Variants in CEP70 observed in about 807,000 individuals in gnomAD.
The protein encoded by CEP70 is centrosomal protein 70.
CEP70 carries 70 observed loss-of-function variants against 90.9 expected under a neutral mutation model. The ratio of observed to expected loss-of-function variants is 0.77; its 90% confidence interval spans 0.64 to 0.94. The LOEUF (loss-of-function observed/expected upper bound fraction) is 0.94. CEP70 is among the 40% of genes least tolerant of loss of function. The pLI is 0.00. For missense variants in CEP70, 648 were observed against 669.0 expected (o/e 0.97, Z 0.35); for synonymous variants, 220 against 228.3 (o/e 0.96, Z 0.33).
In CEP70 at chr3:138,579,844, G is replaced by A. The variant is rs188895910; in HGVS notation, c.-5-6912C>T. ...TTCTGCTTGAGAAAAGTAGACGGAA[G>A]AGTAAAGAAGACTTTCTTGAGCTTA... On this transcript the variant is annotated intron_variant, in intron 2 of 17. Transcript: ENST00000264982. Among the ~76,000 whole-genome samples the A allele has an allele frequency of 1.4e-3, 210 of 152,080 alleles. 1 individual carries two copies. Among genetic ancestry groups the A allele is most frequent in the Non-Finnish European group, 1.2e-4 (8 of 68,014 alleles).
intron 13 of CEP70, 151 bp from the exon 14 acceptor site, chr3:138,501,032 T>C (rs561226496): frequency 2.3e-4 from 71 of 302,754 alleles, no homozygotes; most frequent in African/African-American, 1.5e-3. Context: ...AAAATATATA[T>C]GTAACCATCA....
At position 138,495,864 on chromosome 3, in the gene CEP70, A is replaced by G. The variant is rs573040030; in HGVS notation, c.1733-788T>C. 47 of 984,948 alleles carry G rather than the reference A, an allele frequency of 4.8e-5. No individual in the cohort carries two copies. The African/African-American group carries it at 7.9e-4, about 16-fold the overall frequency. The allele number at this position is 984,948 out of a possible 1,614,324, so 61.0% of individuals were successfully genotyped here. ...GCAAGACTATGTCTCAAAAAAAACA[A>G]TTATCTGCCTAATCAAAAAGATAGC... On this transcript the variant is annotated intron_variant, in intron 17 of 17. Coordinates refer to ENST00000264982, the MANE Select transcript of CEP70 (RefSeq NM_024491.4).
At chr3:138,501,318 A>AT (rs1157262067) in intron 13 of CEP70, among the ~76,000 whole-genome samples, 1 of 152,180 alleles carries the variant, frequency 6.6e-6, no homozygotes, top group East Asian at 1.9e-4. Context: ...AATTTACCCT[A>AT]AGTATACAAT....
chr3:138,496,689 T>C, intron 17 of CEP70: 2 of 985,310 alleles, frequency 2.0e-6, no homozygotes, highest in African/African-American at 1.7e-5. Flanking sequence ...CCTACATGCT[T>C]AGTGACACCT....
At chr3:138,559,521 C>A (rs1438681917) in intron 6 of CEP70, among the ~76,000 whole-genome samples, 2 of 152,084 alleles carry the variant, frequency 1.3e-5, no homozygotes, top group Non-Finnish European at 2.9e-5. Flanking sequence ...TCACTTGAGG[C>A]CAGGAGTTCA....
chr3:138,578,639 G>C (rs1270960851), intron 2 of CEP70, among the ~76,000 whole-genome samples: 2 of 152,148 alleles, frequency 1.3e-5, no homozygotes, highest in East Asian at 3.8e-4. Flanking sequence ...GGAAGTCTCA[G>C]AAAACAAACT....
At chr3:138,502,208 CCATA>C (rs2034574418) in intron 13 of CEP70, among the ~76,000 whole-genome samples, 1 of 151,982 alleles carries the variant, frequency 6.6e-6, no homozygotes, top group African/African-American at 2.4e-5. Flanking sequence ...TTAATTTTTC[CCATA>C]CAAAGTCTTC....
intron 2 of CEP70, among the ~76,000 whole-genome samples, chr3:138,587,730 T>G (rs1290634470): frequency 6.6e-6 from 1 of 152,178 alleles, no homozygotes. Flanking sequence ...GAGCTATGAT[T>G]GTGCCACTGC....
intron 2 of CEP70, among the ~76,000 whole-genome samples, 176 bp downstream of exon 2, chr3:138,591,678 G>C (rs545365620): frequency 2.0e-5 from 3 of 152,144 alleles, no homozygotes; most frequent in African/African-American, 7.2e-5. Context: ...TCTTAAGTAG[G>C]TATTTAACCT....
rs561642814 is a variant in CEP70, at chr3:138,541,166, T to C, written c.466-3819A>G. Reference sequence around the variant, plus strand: ...TGCCTGGGTGATGAAATAATCTGTATAACAAACCCCAATGAAACAAGTTTA... The same window carrying C: ...TGCCTGGGTGATGAAATAATCTGTACAACAAACCCCAATGAAACAAGTTTA... On this transcript the variant is annotated intron_variant, in intron 6 of 17. Coordinates refer to ENST00000264982, the MANE Select transcript of CEP70 (RefSeq NM_024491.4). 2.6e-5 allele frequency among the ~76,000 whole-genome samples: 4 copies of C among 152,242 alleles called. No homozygotes were observed. The South Asian group carries it at 8.3e-4, about 32-fold the overall frequency.
chr3:138,557,505 A>C (rs2040101692), intron 6 of CEP70, among the ~76,000 whole-genome samples: 2 of 152,260 alleles, frequency 1.3e-5, no homozygotes, highest in South Asian at 2.1e-4. Context: ...GACAGGCATA[A>C]GAAATTATAG....
intron 2 of CEP70, among the ~76,000 whole-genome samples, chr3:138,578,257 A>C (rs936684692): frequency 6.6e-6 from 1 of 152,212 alleles, no homozygotes; most frequent in South Asian, 2.1e-4. Context: ...ACACTAAAAT[A>C]TAAGTGGGGG....
At chr3:138,521,500 CAT>C in intron 11 of CEP70, among the ~76,000 whole-genome samples, 1 of 151,446 alleles carries the variant, frequency 6.6e-6, no homozygotes, top group East Asian at 2.0e-4. Context: ...CCTGGCTGCC[CAT>C]TGTCTGGGAT....
intron 6 of CEP70, among the ~76,000 whole-genome samples, chr3:138,558,103 G>T (rs952545017): frequency 3.3e-5 from 5 of 152,214 alleles, no homozygotes; most frequent in Non-Finnish European, 7.3e-5. Context: ...AGTGGCTCAT[G>T]CCTGTAATCC....
chr3:138,520,737 A>C (rs887928265), intron 11 of CEP70, among the ~76,000 whole-genome samples: 3 of 152,208 alleles, frequency 2.0e-5, no homozygotes. Context: ...AGCAGGAAAG[A>C]TCTAAAATTG....
At chr3:138,511,900 T>G (rs1198972714) in intron 11 of CEP70, among the ~76,000 whole-genome samples, 1 of 152,152 alleles carries the variant, frequency 6.6e-6, no homozygotes, top group East Asian at 1.9e-4. Context: ...ACTGAAAAAC[T>G]TCACATTCTG....
At chr3:138,553,419 G>A (rs1451852336) in intron 6 of CEP70, among the ~76,000 whole-genome samples, 1 of 151,942 alleles carries the variant, frequency 6.6e-6, no homozygotes, top group East Asian at 1.9e-4. Context: ...GGTGGAGCTT[G>A]CAGTGAGCTG....
chr3:138,510,923 C>G (rs1336985529), intron 11 of CEP70, among the ~76,000 whole-genome samples: 1 of 148,310 alleles, frequency 6.7e-6, no homozygotes, highest in Non-Finnish European at 1.5e-5. Context: ...TGCAATGGCA[C>G]GATCTCAGCT....
At chr3:138,525,427 A>AAAAT in intron 11 of CEP70, 63 bp downstream of exon 11, 1 of 591,850 alleles carries the variant, frequency 1.7e-6, no homozygotes, top group Non-Finnish European at 2.6e-6. Flanking sequence ...AATAAAAATA[A>AAAAT]AAATAAATAA....
Sources: allele counts gnomAD v4.1 joint callset (sites outside exome capture counted in the v4.1 genomes callset), GRCh38; gene constraint gnomAD v4.1.1; transcripts MANE v1.5; gene names NCBI Gene and HGNC (gene_info 2026-07-23, HGNC 2026-07-21).